Variants in TRPC4 observed in about 807,000 individuals in gnomAD.
The protein encoded by TRPC4 is short transient receptor potential channel 4.
A neutral mutation model predicts 99.4 loss-of-function variants in TRPC4; 49 were observed. The observed-to-expected ratio is 0.49, with a 90% CI of 0.39 to 0.63. The LOEUF (loss-of-function observed/expected upper bound fraction) is 0.63. Among genes scored for constraint, TRPC4 ranks in the 20% least tolerant of loss-of-function variants. The pLI is 0.00. For missense variants in TRPC4, 898 were observed against 1,152.9 expected (o/e 0.78, Z 3.20); for synonymous variants, 454 against 425.9 (o/e 1.07, Z -0.81).
chr13:37,719,053 CAGG>C (rs1421209442), intron 3 of TRPC4, among the ~76,000 whole-genome samples: 3 of 151,998 alleles, frequency 2.0e-5, no homozygotes. Flanking sequence ...ATATTATATG[CAGG>C]AGAACACCAA....
chr13:37,748,189 A>G (rs1474414880), intron 2 of TRPC4, among the ~76,000 whole-genome samples: 3 of 152,212 alleles, frequency 2.0e-5, no homozygotes, highest in Admixed American at 6.5e-5. Flanking sequence ...TGATGAAAGC[A>G]AAACCTTGGA....
intron 3 of TRPC4, among the ~76,000 whole-genome samples, chr13:37,732,056 C>T (rs1197020597): frequency 1.3e-5 from 2 of 152,044 alleles, no homozygotes; most frequent in Admixed American, 6.6e-5. Flanking sequence ...AGCATTAATT[C>T]CACAAACATG....
intron 1 of TRPC4, among the ~76,000 whole-genome samples, chr13:37,835,755 A>G (rs1958548247): frequency 6.6e-6 from 1 of 152,250 alleles, no homozygotes; most frequent in Non-Finnish European, 1.5e-5. Context: ...AAGGTGCATG[A>G]CATTAGTATG....
chr13:37,794,747 T>A (rs979394239), intron 1 of TRPC4, among the ~76,000 whole-genome samples: 1 of 152,188 alleles, frequency 6.6e-6, no homozygotes, highest in Non-Finnish European at 1.5e-5. Flanking sequence ...AATCAAGCTA[T>A]AACTTTTTAC....
At chr13:37,802,954 G>A (rs1429432820) in intron 1 of TRPC4, among the ~76,000 whole-genome samples, 1 of 151,674 alleles carries the variant, frequency 6.6e-6, no homozygotes, top group Non-Finnish European at 1.5e-5. Context: ...AGGAAAAATT[G>A]TCCCCTTCTA....
chr13:37,656,776 A>G (rs1457775761), intron 6 of TRPC4, among the ~76,000 whole-genome samples: 1 of 152,196 alleles, frequency 6.6e-6, no homozygotes, highest in Non-Finnish European at 1.5e-5. Flanking sequence ...TTGAGGATGA[A>G]TAAGCCAGGC....
intron 1 of TRPC4, among the ~76,000 whole-genome samples, chr13:37,814,158 G>T (rs1409820179): frequency 6.6e-6 from 1 of 151,676 alleles, no homozygotes; most frequent in Admixed American, 6.6e-5. Context: ...TCAAAATCTA[G>T]GAATCAAATG....
rs185962134 is a variant in TRPC4 at position 37,718,347 on chromosome 13, C to T, written c.898-26012G>A. On this transcript the variant is annotated intron_variant, in intron 3 of 10. Coordinates refer to ENST00000379705, the MANE Select transcript of TRPC4 (RefSeq NM_016179.4). Reference sequence around the variant, plus strand: ...ATTATAACAGAATCTAGAGTCTCCACAACAACTTACAGCATCCAAGATACA... The same window carrying T: ...ATTATAACAGAATCTAGAGTCTCCATAACAACTTACAGCATCCAAGATACA... Among the ~76,000 whole-genome samples, 3 of 151,410 alleles carry T rather than the reference C, an allele frequency of 2.0e-5. No homozygotes were observed. In the East Asian group the frequency reaches 5.8e-4, roughly 29 times the overall value.
chr13:37,723,957 T>C (rs935135852), intron 3 of TRPC4, among the ~76,000 whole-genome samples: 1 of 152,148 alleles, frequency 6.6e-6, no homozygotes, highest in African/African-American at 2.4e-5. Context: ...GCAGACAAAC[T>C]GGCTTATAAA....
At chr13:37,780,705 C>CT (rs1956815273) in intron 2 of TRPC4, among the ~76,000 whole-genome samples, 1 of 152,076 alleles carries the variant, frequency 6.6e-6, no homozygotes. Context: ...GGCCCAAGCA[C>CT]TGAGGCCATC....
intron 2 of TRPC4, among the ~76,000 whole-genome samples, chr13:37,753,817 G>A (rs1393749990): frequency 6.6e-6 from 1 of 152,108 alleles, no homozygotes; most frequent in East Asian, 1.9e-4. Context: ...GCACTGGAAA[G>A]GCACTTTCAG....
chr13:37,690,782 T>C (rs1953665479), intron 4 of TRPC4, among the ~76,000 whole-genome samples: 1 of 151,084 alleles, frequency 6.6e-6, no homozygotes, highest in African/African-American at 2.4e-5. Flanking sequence ...TTTTTAAAAC[T>C]GAAAAACATA....
chr13:37,701,743 G>T (rs765299030), intron 3 of TRPC4, among the ~76,000 whole-genome samples: 7 of 152,012 alleles, frequency 4.6e-5, no homozygotes, highest in Admixed American at 1.3e-4. Flanking sequence ...AACTCAAACT[G>T]CAACCCAAAG....
intron 4 of TRPC4, among the ~76,000 whole-genome samples, chr13:37,676,251 T>C (rs923868414): frequency 2.1e-5 from 2 of 94,474 alleles, no homozygotes; most frequent in African/African-American, 4.1e-5. Flanking sequence ...AAAGAAAAAA[T>C]ACCGAAAGCA....
rs147325137 is a variant in TRPC4 at position 37,818,849 on chromosome 13, T to C, written c.-27-35489A>G. ...ATAGCATTAGGAGAAATACCTAATGTAGATGATGGGTTGATAGGTGCAGCA... is the reference window on the plus strand; with the variant it reads ...ATAGCATTAGGAGAAATACCTAATGCAGATGATGGGTTGATAGGTGCAGCA... On this transcript the variant is annotated intron_variant, in intron 1 of 10. Transcript: ENST00000379705. 5.3e-3 allele frequency among the ~76,000 whole-genome samples: 806 copies of C among 151,938 alleles called. 5 individuals carry two copies. Among genetic ancestry groups the C allele is most frequent in the African/African-American group, 0.018 (761 of 41,444 alleles).
intron 4 of TRPC4, among the ~76,000 whole-genome samples, chr13:37,677,581 T>C (rs1953102629): frequency 6.6e-6 from 1 of 152,088 alleles, no homozygotes; most frequent in South Asian, 2.1e-4. Flanking sequence ...AACATAAAGA[T>C]AAAAAGGCGA....
At position 37,713,392 on chromosome 13, in the gene TRPC4, C is replaced by A. The variant is rs544189980; in HGVS notation, c.898-21057G>T. On this transcript the variant is annotated intron_variant, in intron 3 of 10. Transcript: ENST00000379705. ...TGGTTTAATCAACCTCTAAAGATTG[C>A]CTGAAATAAAAGCTAAACTTTCAGT... Among the ~76,000 whole-genome samples the A allele has an allele frequency of 7.2e-5, 11 of 152,252 alleles. No individual in the cohort carries two copies. In the East Asian group the frequency reaches 1.7e-3, roughly 24 times the overall value.
chr13:37,784,659 C>T (rs917830558), intron 1 of TRPC4, among the ~76,000 whole-genome samples: 1 of 151,902 alleles, frequency 6.6e-6, no homozygotes, highest in African/African-American at 2.4e-5. Context: ...ATCTTTTCAA[C>T]CCTAATCATT....
intron 4 of TRPC4, 49 bp downstream of exon 4, chr13:37,691,950 C>T: frequency 1.3e-6 from 2 of 1,520,914 alleles, no homozygotes; most frequent in South Asian, 1.2e-5. Context: ...CAACGAAATT[C>T]CGTGGCAGTA....
Sources: allele counts gnomAD v4.1 joint callset (sites outside exome capture counted in the v4.1 genomes callset), GRCh38; gene constraint gnomAD v4.1.1; transcripts MANE v1.5; gene names NCBI Gene and HGNC (gene_info 2026-07-23, HGNC 2026-07-21).